The following ZNF292 variants were observed in gnomAD, a reference collection of about 807,000 sequenced individuals.
The protein encoded by ZNF292 is 16 zinc-finger domain protein.
ZNF292 carries 26 observed loss-of-function variants against 217.9 expected under a neutral mutation model. The observed-to-expected ratio is 0.12, with a 90% CI of 0.09 to 0.17. The LOEUF is 0.17. Ranked by LOEUF, ZNF292 falls within the 10% of genes least tolerant of loss-of-function variation. The pLI is 1.00. For missense variants in ZNF292, 2,904 were observed against 3,175.2 expected (o/e 0.91, Z 2.05); for synonymous variants, 1,257 against 1,124.1 (o/e 1.12, Z -2.37).
intron 5 of ZNF292, among the ~76,000 whole-genome samples, chr6:87,241,662 C>T (rs1201339188): frequency 5.3e-5 from 8 of 152,160 alleles, no homozygotes; most frequent in Admixed American, 5.2e-4. Context: ...TCAGGTGATC[C>T]ACCCACCTTG....
intron 1 of ZNF292, among the ~76,000 whole-genome samples, chr6:87,175,337 A>T (rs1043140250): frequency 6.6e-6 from 1 of 152,164 alleles, no homozygotes. Flanking sequence ...TCAACCATAC[A>T]AAAGAAAATG....
At chr6:87,168,407 C>T (rs1363670667) in intron 1 of ZNF292, among the ~76,000 whole-genome samples, 2 of 152,186 alleles carry the variant, frequency 1.3e-5, no homozygotes, top group African/African-American at 4.8e-5. Flanking sequence ...TGGAAAATGT[C>T]TTCATGTGGA....
At chr6:87,173,156 A>G (rs1266773524) in intron 1 of ZNF292, among the ~76,000 whole-genome samples, 2 of 151,946 alleles carry the variant, frequency 1.3e-5, no homozygotes, top group Admixed American at 6.6e-5. Flanking sequence ...TGGCACTTTA[A>G]TAATATTGGA....
At chr6:87,228,953 A>AG (rs770908304) in intron 4 of ZNF292, among the ~76,000 whole-genome samples, 1 of 151,760 alleles carries the variant, frequency 6.6e-6, no homozygotes, top group Non-Finnish European at 1.5e-5. Flanking sequence ...GCAAAAAAAA[A>AG]TGCCATTGAG....
intron 1 of ZNF292, chr6:87,173,952 CT>C: frequency 4.2e-6 from 1 of 239,912 alleles, no homozygotes; most frequent in Non-Finnish European, 8.5e-6. Context: ...GTACTATAAC[CT>C]TTTACCCTGG....
At chr6:87,237,846 A>G (rs754410463) in intron 5 of ZNF292, among the ~76,000 whole-genome samples, 1 of 152,232 alleles carries the variant, frequency 6.6e-6, no homozygotes, top group Non-Finnish European at 1.5e-5. Context: ...AATAGTCCCT[A>G]TATAGGTAAT....
chr6:87,242,854 A>G (rs1774368390), intron 5 of ZNF292, among the ~76,000 whole-genome samples: 1 of 152,230 alleles, frequency 6.6e-6, no homozygotes, highest in African/African-American at 2.4e-5. Context: ...CATCTAGGTT[A>G]TACGTACACA....
intron 5 of ZNF292, 126 bp downstream of exon 5, chr6:87,233,653 A>G: frequency 6.9e-7 from 1 of 1,455,220 alleles, no homozygotes; most frequent in Non-Finnish European, 9.0e-7. Context: ...CATTTTTGGT[A>G]TGTTCTTGAG....
At chr6:87,175,016 C>T (rs1261851061) in intron 1 of ZNF292, among the ~76,000 whole-genome samples, 8 of 152,210 alleles carry the variant, frequency 5.3e-5, no homozygotes, top group East Asian at 1.9e-4. Flanking sequence ...TGCATCTTCT[C>T]GTATGTGTAC....
chr6:87,180,236 C>A (rs749460727), intron 1 of ZNF292, among the ~76,000 whole-genome samples: 28 of 152,230 alleles, frequency 1.8e-4, no homozygotes, highest in Non-Finnish European at 3.2e-4. Flanking sequence ...CATCCTGGGC[C>A]ACATGTTGAT....
chr6:87,206,688 T>G (rs1327018045), intron 1 of ZNF292, among the ~76,000 whole-genome samples: 1 of 152,212 alleles, frequency 6.6e-6, no homozygotes, highest in East Asian at 1.9e-4. Flanking sequence ...ATTTTCTCTT[T>G]TTAAATGCAG....
chr6:87,169,660 C>T (rs9359738), intron 1 of ZNF292: 248,674 of 426,876 alleles, frequency 0.58, 75,854 homozygotes, highest in African/African-American at 0.85. Flanking sequence ...TTGTTTTGTT[C>T]TGTTTTGAGA....
rs201167963 is a variant in ZNF292 at position 87,260,301 on chromosome 6, A to G, written c.6672A>G (p.Lys2224=). The change falls in exon 8 of 8, where the codon AAA becomes AAG. Residue 2224 remains lysine, a synonymous_variant. Coordinates refer to ENST00000369577, the MANE Select transcript of ZNF292 (RefSeq NM_015021.3). ...TTCCATGTGACCAGTTAGAGTGTAAATCTTCATTTACTACATATTTGAACT... is the reference window on the plus strand; with the variant it reads ...TTCCATGTGACCAGTTAGAGTGTAAGTCTTCATTTACTACATATTTGAACT... The part of the protein sequence containing the change: ...GKFPCDQLEC[K]SSFTTYLNYV... The G allele has an allele frequency of 1.2e-6, 2 of 1,613,590 alleles. No homozygotes were observed. The highest frequency in any genetic ancestry group is 1.7e-6 in the Non-Finnish European group (2 of 1,179,630).
intron 1 of ZNF292, among the ~76,000 whole-genome samples, chr6:87,195,470 G>C (rs1304933759): frequency 6.6e-6 from 1 of 152,154 alleles, no homozygotes; most frequent in African/African-American, 2.4e-5. Context: ...TTTAGATAAA[G>C]ATTTAAATAC....
intron 1 of ZNF292, among the ~76,000 whole-genome samples, chr6:87,175,587 C>T (rs1301040322): frequency 6.6e-6 from 1 of 152,174 alleles, no homozygotes; most frequent in African/African-American, 2.4e-5. Context: ...GATCCTCCTG[C>T]CTTGGCTTCC....
Position 87,261,562 on chromosome 6 carries a change from T to C in ZNF292, c.7933T>C (p.Cys2645Arg). ...GACTAGTGGAAATCATGTATGTCCT[T>C]GTAAAGAAAGCGAAACGTTTGTACA... Reference protein sequence around the residue: ...AVTSGNHVCPCKESETFVQFA... With the variant: ...AVTSGNHVCPRKESETFVQFA... Residue 2645 changes from cysteine to arginine, a missense_variant, in exon 8 of 8, where the codon TGT becomes CGT. By Grantham distance (180) the Cys-to-Arg change is radical. Around this residue, in one of 15 missense-constraint regions of ZNF292, gnomAD observed 380 missense variants for 355.3 expected, o/e 1.07. Transcript: ENST00000369577. 1 of 1,610,516 alleles carries C rather than the reference T, an allele frequency of 6.2e-7. No individual in the cohort carries two copies. Among genetic ancestry groups the C allele is most frequent in the Non-Finnish European group, 8.5e-7 (1 of 1,178,152 alleles).
At chr6:87,167,641 T>C (rs747548202) in intron 1 of ZNF292, among the ~76,000 whole-genome samples, 2 of 152,190 alleles carry the variant, frequency 1.3e-5, no homozygotes, top group Non-Finnish European at 2.9e-5. Flanking sequence ...AACGAAACGC[T>C]GTCTTAAAAA....
intron 1 of ZNF292, among the ~76,000 whole-genome samples, chr6:87,190,960 A>G (rs966177455): frequency 2.6e-5 from 4 of 152,234 alleles, no homozygotes; most frequent in African/African-American, 9.6e-5. Context: ...AGCTGTTTAC[A>G]AAACTGAGTA....
chr6:87,258,967 G>A lies in ZNF292; in HGVS notation c.5338G>A (p.Ala1780Thr), dbSNP rs1775401294. 6.2e-7 allele frequency: 1 copy of A among 1,613,206 alleles called. No homozygotes were observed. ...TGAGGTAAAAAGTGGATCTCAGGGT[G>A]CTGGTGAAACTTCACAAAATGCTCA... ...ILEVKSGSQG[A>T]GETSQNAQIN... Residue 1780 changes from alanine (A) to threonine (T), a missense_variant, in exon 8 of 8, where the codon GCT becomes ACT. Coordinates refer to ENST00000369577, the MANE Select transcript of ZNF292 (RefSeq NM_015021.3).
Sources: allele counts gnomAD v4.1 joint callset (sites outside exome capture counted in the v4.1 genomes callset), GRCh38; gene constraint gnomAD v4.1.1; regional missense constraint gnomAD v4.1.1; transcripts MANE v1.5; gene names NCBI Gene and HGNC (gene_info 2026-07-23, HGNC 2026-07-21).